The following TENM4 variants were observed in gnomAD, a reference collection of about 807,000 sequenced individuals.
TENM4 encodes the protein teneurin-4.
TENM4 carries 82 observed loss-of-function variants against 243.3 expected under a neutral mutation model. That is an observed-to-expected ratio of 0.34 (90% CI 0.28 to 0.40). The LOEUF (loss-of-function observed/expected upper bound fraction) is 0.40, where lower values mean the gene tolerates loss of function less well. Among genes scored for constraint, TENM4 ranks in the 10% least tolerant of loss-of-function variants. The probability of loss-of-function intolerance (pLI) is 1.00; values close to 1 mark genes in which losing one functional copy is unlikely to be tolerated. For missense variants in TENM4, 3,138 were observed against 3,673.3 expected, an observed-to-expected ratio of 0.85 and a Z score of 3.77; for synonymous variants, 1,412 against 1,456.3, an observed-to-expected ratio of 0.97 and a Z score of 0.69.
At chr11:78,936,624 C>CTA (rs1856791629) in intron 6 of TENM4, among the ~76,000 whole-genome samples, 1 of 152,194 alleles carries the variant, frequency 6.6e-6, no homozygotes, top group Non-Finnish European at 1.5e-5. Context: ...GTAGGAACTG[C>CTA]TCTTCCCATA....
chr11:79,414,821 T>C (rs1454812462), intron 1 of TENM4, among the ~76,000 whole-genome samples: 3 of 152,186 alleles, frequency 2.0e-5, no homozygotes, highest in Non-Finnish European at 2.9e-5. Context: ...GCAAAAAATG[T>C]CAAAACCTTG....
At chr11:79,054,900 G>A (rs1280718353) in intron 6 of TENM4, among the ~76,000 whole-genome samples, 1 of 152,096 alleles carries the variant, frequency 6.6e-6, no homozygotes, top group Non-Finnish European at 1.5e-5. Context: ...GGAGGCTGAG[G>A]TGGGTGGATC....
At chr11:78,997,149 G>T (rs1352080060) in intron 6 of TENM4, among the ~76,000 whole-genome samples, 11 of 152,152 alleles carry the variant, frequency 7.2e-5, no homozygotes, top group Admixed American at 7.2e-4. Context: ...TGTGTATAAA[G>T]CTCCTAAGAT....
chr11:78,903,718 A>T, intron 6 of TENM4, 195 bp from the exon 7 acceptor site: 1 of 901,316 alleles, frequency 1.1e-6, no homozygotes, highest in Non-Finnish European at 1.8e-6. Flanking sequence ...TACCTTAACC[A>T]ACTAAACAGA....
chr11:79,038,323 T>C (rs1859438284), intron 6 of TENM4, among the ~76,000 whole-genome samples: 1 of 152,208 alleles, frequency 6.6e-6, no homozygotes, highest in African/African-American at 2.4e-5. Context: ...ACTCATCACA[T>C]CTGAAATTCT....
chr11:79,101,550 C>T (rs1387589452), intron 4 of TENM4, among the ~76,000 whole-genome samples: 1 of 152,148 alleles, frequency 6.6e-6, no homozygotes, highest in Non-Finnish European at 1.5e-5. Flanking sequence ...GAAACCGTTG[C>T]GTCCTGGAGG....
intron 6 of TENM4, among the ~76,000 whole-genome samples, chr11:79,050,574 A>G (rs1859767641): frequency 6.6e-6 from 1 of 152,228 alleles, no homozygotes. Context: ...CTTTACAAGC[A>G]GCTGGAATTG....
At chr11:78,786,750 G>A in intron 16 of TENM4, 148 bp downstream of exon 16, 1 of 1,150,570 alleles carries the variant, frequency 8.7e-7, no homozygotes, top group Non-Finnish European at 1.2e-6. Context: ...CGATGGCTAG[G>A]AAATGCCAGT....
In TENM4 at chr11:79,027,807, A is replaced by G. The variant is rs192108616; in HGVS notation, c.493+36931T>C. Reference sequence around the variant, plus strand: ...TCAAGACTCCACAATAGCTAGACCTATCTGTTCAGCTGGTGCCTGTTGGGC... The same window carrying G: ...TCAAGACTCCACAATAGCTAGACCTGTCTGTTCAGCTGGTGCCTGTTGGGC... On this transcript the variant is annotated intron_variant, in intron 6 of 33. Transcript: ENST00000278550. Among the ~76,000 whole-genome samples, 148 of 152,250 alleles carry G rather than the reference A, an allele frequency of 9.7e-4. 1 individual carries two copies. The South Asian group carries it at 0.014, about 15-fold the overall frequency.
chr11:78,768,971 C>G (rs1439640407), intron 18 of TENM4, among the ~76,000 whole-genome samples: 1 of 152,204 alleles, frequency 6.6e-6, no homozygotes, highest in African/African-American at 2.4e-5. Context: ...TGTTCTATAA[C>G]CTACGCTTGT....
intron 2 of TENM4, among the ~76,000 whole-genome samples, chr11:79,296,609 A>T (rs1856458780): frequency 6.6e-6 from 1 of 152,240 alleles, no homozygotes; most frequent in East Asian, 1.9e-4. Flanking sequence ...AACAATGACC[A>T]TTCAGATGCT....
chr11:79,039,812 A>G (rs529579415), intron 6 of TENM4, among the ~76,000 whole-genome samples: 1 of 150,776 alleles, frequency 6.6e-6, no homozygotes, highest in South Asian at 2.1e-4. Context: ...AAATAAATCA[A>G]CAAACAAACA....
intron 6 of TENM4, among the ~76,000 whole-genome samples, chr11:78,997,130 T>G (rs1036042408): frequency 2.0e-5 from 3 of 152,178 alleles, no homozygotes; most frequent in African/African-American, 7.2e-5. Context: ...CCCAGGAACA[T>G]TCATGTTTTG....
intron 12 of TENM4, among the ~76,000 whole-genome samples, chr11:78,820,996 C>T (rs573094415): frequency 7.9e-5 from 12 of 152,260 alleles, no homozygotes; most frequent in Admixed American, 2.6e-4. Flanking sequence ...TCTTTGCAGA[C>T]GATGGAATTC....
rs566743822 is a variant in TENM4, at chr11:79,069,727, C to A, written c.218G>T (p.Arg73Leu). 2.6e-6 allele frequency: 4 copies of A among 1,550,288 alleles called. No homozygotes were observed. Among genetic ancestry groups the A allele is most frequent in the Non-Finnish European group, 3.5e-6 (4 of 1,146,820 alleles). ...IVPQEAEEFC[R>L]TGANFTLREL... ...CCCCTCGGCCTTGTCCTTACCTGTG[C>A]GGCAGAATTCCTCGGCCTCCTGCGG... The change falls in exon 5 of 34, where the codon CGC becomes CTC. Residue 73 changes from arginine (R) to leucine (L), a missense_variant. Physicochemically the swap from Arg to Leu is moderately radical, Grantham distance 102. Transcript: ENST00000278550.
At chr11:78,846,599 C>G (rs1034257906) in intron 12 of TENM4, among the ~76,000 whole-genome samples, 9 of 152,206 alleles carry the variant, frequency 5.9e-5, no homozygotes, top group Non-Finnish European at 1.2e-4. Flanking sequence ...GTCCATGGTT[C>G]CTGGATGATA....
intron 12 of TENM4, among the ~76,000 whole-genome samples, chr11:78,853,069 T>G (rs1213678450): frequency 6.6e-6 from 1 of 152,088 alleles, no homozygotes; most frequent in Non-Finnish European, 1.5e-5. Context: ...CAGAAACTTT[T>G]ATCAAACTCC....
At chr11:79,385,195 C>A (rs1315544682) in intron 1 of TENM4, among the ~76,000 whole-genome samples, 2 of 152,158 alleles carry the variant, frequency 1.3e-5, no homozygotes, top group African/African-American at 4.8e-5. Context: ...TTTAAGAATC[C>A]AGATGCCCAG....
Position 78,889,972 on chromosome 11 carries a change from TGTG to T in TENM4, c.894_896del (p.Thr299del). 6.4e-7 allele frequency: 1 copy of T among 1,550,934 alleles called. No homozygotes were observed. The highest frequency in any genetic ancestry group is 8.7e-7 in the Non-Finnish European group (1 of 1,146,698). On this transcript the variant is annotated inframe_deletion, in exon 9 of 34. Transcript: ENST00000278550. ...TGGACGTCAGTGGGTACCCTGGTGA[TGTG>T]GTGCAGAAGAGCGGGGAGGTGCCTC...
Sources: allele counts gnomAD v4.1 joint callset (sites outside exome capture counted in the v4.1 genomes callset), GRCh38; gene constraint gnomAD v4.1.1; transcripts MANE v1.5; gene names NCBI Gene and HGNC (gene_info 2026-07-23, HGNC 2026-07-21).